IGF2BP3: variants seen among roughly 807,000 people sequenced by gnomAD.
IGF2BP3 encodes the protein insulin like growth factor 2 mRNA binding protein 3.
IGF2BP3 carries 9 observed loss-of-function variants against 73.8 expected under a neutral mutation model. The ratio of observed to expected loss-of-function variants is 0.12; its 90% confidence interval spans 0.07 to 0.21. The LOEUF (loss-of-function observed/expected upper bound fraction) is 0.21. IGF2BP3 is among the 10% of genes least tolerant of loss of function. IGF2BP3 has a pLI of 1.00. For missense variants in IGF2BP3, 542 were observed against 714.0 expected, an observed-to-expected ratio of 0.76 and a Z score of 2.75; for synonymous variants, 258 against 256.7, an observed-to-expected ratio of 1.01 and a Z score of -0.05.
intron 2 of IGF2BP3, among the ~76,000 whole-genome samples, chr7:23,459,004 T>C (rs1159709531): frequency 6.6e-6 from 1 of 152,208 alleles, no homozygotes; most frequent in Non-Finnish European, 1.5e-5. Context: ...TGGAGGGCCT[T>C]AGGCAGGTTG....
intron 3 of IGF2BP3, among the ~76,000 whole-genome samples, chr7:23,393,313 A>G (rs1721781701): frequency 6.6e-6 from 1 of 152,200 alleles, no homozygotes; most frequent in South Asian, 2.1e-4. Flanking sequence ...CATGTAAATC[A>G]ATAACAAGTT....
intron 2 of IGF2BP3, among the ~76,000 whole-genome samples, chr7:23,448,778 C>A (rs530713458): frequency 1.3e-5 from 2 of 152,200 alleles, no homozygotes; most frequent in Admixed American, 1.3e-4. Flanking sequence ...CCACAGGCCA[C>A]AACACCACAC....
intron 2 of IGF2BP3, among the ~76,000 whole-genome samples, chr7:23,419,609 TGGGTGGCCAAGGCA>T (rs1246419881): frequency 1.3e-5 from 2 of 152,208 alleles, no homozygotes; most frequent in Non-Finnish European, 2.9e-5. Context: ...CCCAACACTT[TGGGTGGCCAAGGCA>T]GGTGGATCAC....
chr7:23,322,215 G>C (rs1362064939), intron 10 of IGF2BP3, among the ~76,000 whole-genome samples: 3 of 152,314 alleles, frequency 2.0e-5, no homozygotes, highest in East Asian at 1.9e-4. Flanking sequence ...CCAATACACA[G>C]AAGTGCTTAA....
At chr7:23,383,431 G>A (rs1354312701) in intron 3 of IGF2BP3, among the ~76,000 whole-genome samples, 1 of 152,096 alleles carries the variant, frequency 6.6e-6, no homozygotes, top group Admixed American at 6.6e-5. Context: ...AACCACAAGA[G>A]GATACCACTT....
intron 10 of IGF2BP3, among the ~76,000 whole-genome samples, chr7:23,325,488 C>T (rs1784268260): frequency 6.6e-6 from 1 of 152,104 alleles, no homozygotes; most frequent in Admixed American, 6.6e-5. Flanking sequence ...GTGAAAATGG[C>T]CATAGTGCCC....
intron 6 of IGF2BP3, among the ~76,000 whole-genome samples, chr7:23,348,459 G>A (rs1208237692): frequency 1.3e-5 from 2 of 152,192 alleles, no homozygotes; most frequent in African/African-American, 2.4e-5. Flanking sequence ...CTTTTGGTAG[G>A]AGCAAACTGG....
intron 3 of IGF2BP3, among the ~76,000 whole-genome samples, chr7:23,377,561 C>T (rs2128515105): frequency 6.6e-6 from 1 of 152,340 alleles, no homozygotes. Flanking sequence ...CTTTGGAAAA[C>T]TGTCTGGTTG....
chr7:23,330,148 T>C (rs1374727917), intron 10 of IGF2BP3, among the ~76,000 whole-genome samples: 2 of 151,838 alleles, frequency 1.3e-5, no homozygotes, highest in Non-Finnish European at 2.9e-5. Context: ...AAGCCAGGCA[T>C]GGTGGCAGGC....
rs200127902 is a variant in IGF2BP3, at chr7:23,372,236, G to A, written c.286-10495C>T. ...ACTACAGGCACGTGCCTCCACCCCC[G>A]GCTGATTTTTGTATTTTTAGTAGAG... is the stretch of plus-strand genomic sequence containing the variant. On this transcript the variant is annotated intron_variant, in intron 3 of 14. Coordinates refer to ENST00000258729, the MANE Select transcript of IGF2BP3 (RefSeq NM_006547.3). Among the ~76,000 whole-genome samples the A allele has an allele frequency of 1.3e-4, 19 of 151,970 alleles. No individual in the cohort carries two copies. The East Asian group carries it at 3.5e-3, about 28-fold the overall frequency.
At position 23,311,229 on chromosome 7, in the gene IGF2BP3, C is replaced by T. The variant is rs1380922055; in HGVS notation, c.*1133G>A. The T allele has an allele frequency of 6.6e-6, 1 of 152,286 alleles. No individual in the cohort carries two copies. The highest frequency in any genetic ancestry group is 2.4e-5 in the African/African-American group (1 of 41,414). 9.4% of individuals were successfully genotyped at this position (152,286 alleles called of 1,614,324 possible). On this transcript the variant is annotated 3_prime_UTR_variant, in exon 15 of 15. Transcript: ENST00000258729. ...TTTGTTGCGTTTAAACACTGTCACA[C>T]CATCTATGACTGTCCCATTGGTCTG...
chr7:23,455,980 C>T (rs1024446326), intron 2 of IGF2BP3, among the ~76,000 whole-genome samples: 3 of 152,072 alleles, frequency 2.0e-5, no homozygotes, highest in Admixed American at 6.6e-5. Context: ...CCACTGCGCC[C>T]GGCAGGGTCT....
chr7:23,372,563 A>T (rs1245897068), intron 3 of IGF2BP3, among the ~76,000 whole-genome samples: 1 of 152,172 alleles, frequency 6.6e-6, no homozygotes, highest in African/African-American at 2.4e-5. Context: ...CTTATGAGTG[A>T]GAGCATACGA....
chr7:23,460,205 A>G (rs1788416405), intron 2 of IGF2BP3, among the ~76,000 whole-genome samples: 2 of 148,804 alleles, frequency 1.3e-5, no homozygotes, highest in Non-Finnish European at 3.0e-5. Context: ...AACAAAAACG[A>G]AAGTGAGCTC....
At chr7:23,465,529 C>CG (rs1554338705) in intron 2 of IGF2BP3, among the ~76,000 whole-genome samples, 86 of 151,858 alleles carry the variant, frequency 5.7e-4, no homozygotes, top group African/African-American at 1.2e-3. Context: ...AGGGTCCCCC[C>CG]CCAAGCTCCA....
At chr7:23,461,638 T>G (rs918772179) in intron 2 of IGF2BP3, among the ~76,000 whole-genome samples, 1 of 152,218 alleles carries the variant, frequency 6.6e-6, no homozygotes, top group Non-Finnish European at 1.5e-5. Context: ...ATACAGAGAA[T>G]AGCCACTACT....
intron 3 of IGF2BP3, among the ~76,000 whole-genome samples, chr7:23,405,769 A>G (rs1786809753): frequency 6.6e-6 from 1 of 152,176 alleles, no homozygotes; most frequent in African/African-American, 2.4e-5. Context: ...CCCAACCATG[A>G]AAAAATTGTT....
At chr7:23,460,683 C>T (rs1390885015) in intron 2 of IGF2BP3, among the ~76,000 whole-genome samples, 2 of 152,200 alleles carry the variant, frequency 1.3e-5, no homozygotes, top group African/African-American at 4.8e-5. Flanking sequence ...GGCACAGTGG[C>T]TCACGCCTGT....
intron 3 of IGF2BP3, among the ~76,000 whole-genome samples, chr7:23,364,189 C>A (rs186661626): frequency 6.6e-6 from 1 of 151,970 alleles, no homozygotes; most frequent in African/African-American, 2.4e-5. Flanking sequence ...GCCTCATCAA[C>A]ATGGTGAAGC....
Sources: allele counts gnomAD v4.1 joint callset (sites outside exome capture counted in the v4.1 genomes callset), GRCh38; gene constraint gnomAD v4.1.1; transcripts MANE v1.5; gene names NCBI Gene and HGNC (gene_info 2026-07-23, HGNC 2026-07-21).